DMD: variants seen among roughly 807,000 people sequenced by gnomAD.
DMD encodes mutant dystrophin.
Under a neutral mutation model 330.1 loss-of-function variants are expected in DMD, and 63 were observed. The ratio of observed to expected loss-of-function variants is 0.19; its 90% CI spans 0.16 to 0.24. The LOEUF (loss-of-function observed/expected upper bound fraction) is 0.24, where lower values mean the gene tolerates loss of function less well. Ranked by LOEUF, DMD falls within the 10% of genes least tolerant of loss-of-function variation. DMD has a pLI of 1.00. For missense variants in DMD, 3,344 were observed against 2,684.1 expected (o/e 1.25, Z -5.43); for synonymous variants, 1,223 against 959.8 (o/e 1.27, Z -5.07).
At chrX:32,722,838 T>G (rs2066471014) in intron 7 of DMD, among the ~76,000 whole-genome samples, 1 of 111,196 alleles carries the variant, frequency 9.0e-6, no homozygotes, top group African/African-American at 3.3e-5. Flanking sequence ...TGTGGAGTCC[T>G]TAGGGGTTTC....
chrX:33,169,085 G>GT (rs77141186), intron 1 of DMD, among the ~76,000 whole-genome samples: 2 of 108,281 alleles, frequency 1.8e-5, no homozygotes, highest in African/African-American at 6.7e-5. Flanking sequence ...CAGTATTGGG[G>GT]CCTCCCAATT....
chrX:32,674,795 G>C (rs1413756900), intron 9 of DMD, among the ~76,000 whole-genome samples: 1 of 111,054 alleles, frequency 9.0e-6, no homozygotes, highest in East Asian at 2.8e-4. Context: ...TGGAGGGTAG[G>C]CTTAGATTAA....
chrX:31,374,199 T>C lies in DMD; in HGVS notation c.9085-25565A>G, dbSNP rs1464181511. On this transcript the variant is annotated intron_variant, in intron 60 of 78. Transcript: ENST00000357033. The stretch of plus-strand genomic sequence containing the variant: ...AGGTGCTGGAGAGGATGTGGAGAAA[T>C]AGGAACACTTTTACACTGTTGGTGG... 2.0e-4 allele frequency among the ~76,000 whole-genome samples: 16 copies of C among 81,410 alleles called. 1 individual carries two copies. Among genetic ancestry groups the C allele is most frequent in the Non-Finnish European group, 2.3e-5 (1 of 43,264 alleles). 70.7% of individuals were successfully genotyped at this position (81,410 alleles called of 115,157 possible).
intron 21 of DMD, among the ~76,000 whole-genome samples, chrX:32,473,869 G>C (rs2040918693): frequency 9.1e-6 from 1 of 110,218 alleles, no homozygotes; most frequent in South Asian, 3.9e-4. Context: ...TGGGGGTAAA[G>C]GTGGTATTTG....
chrX:31,242,004 C>T (rs1190776929), intron 63 of DMD, among the ~76,000 whole-genome samples: 2 of 110,583 alleles, frequency 1.8e-5, no homozygotes, highest in African/African-American at 6.6e-5. Context: ...TTCTTGTAAT[C>T]CCAGCACTTT....
At chrX:31,606,846 A>C (rs2077634463) in intron 55 of DMD, among the ~76,000 whole-genome samples, 1 of 111,656 alleles carries the variant, frequency 9.0e-6, no homozygotes, top group South Asian at 3.7e-4. Context: ...TTTTCTTTTC[A>C]TGGGGACAAA....
chrX:32,763,238 A>G (rs1378114969), intron 7 of DMD, among the ~76,000 whole-genome samples: 1 of 112,280 alleles, frequency 8.9e-6, no homozygotes, highest in African/African-American at 3.2e-5. Flanking sequence ...ATTCAGAATT[A>G]TTTAATACAA....
chrX:32,819,465 G>T (rs769758079), intron 5 of DMD, among the ~76,000 whole-genome samples: 8 of 111,045 alleles, frequency 7.2e-5, no homozygotes, highest in Admixed American at 2.9e-4. Context: ...GAAAAAAAAA[G>T]AATTGCACTT....
chrX:31,369,120 CCT>C (rs2059412508), intron 60 of DMD, among the ~76,000 whole-genome samples: 1 of 111,713 alleles, frequency 9.0e-6, no homozygotes, highest in South Asian at 3.8e-4. Context: ...TATTTAAGAC[CCT>C]CTTTGTCATC....
chrX:32,129,190 T>A (rs1445366488), intron 44 of DMD, among the ~76,000 whole-genome samples: 1 of 111,962 alleles, frequency 8.9e-6, no homozygotes, highest in African/African-American at 3.2e-5. Flanking sequence ...GCAGCATAAC[T>A]CTTGACTGCA....
At chrX:31,367,713 T>C (rs964117808) in intron 60 of DMD, among the ~76,000 whole-genome samples, 1 of 112,078 alleles carries the variant, frequency 8.9e-6, no homozygotes, top group Non-Finnish European at 1.9e-5. Flanking sequence ...GAGTTAAGAA[T>C]ACAAATGCTC....
intron 44 of DMD, among the ~76,000 whole-genome samples, chrX:32,204,976 ATCTCTCTCTCTC>A (rs200970973): frequency 2.2e-5 from 1 of 45,322 alleles, no homozygotes; most frequent in Non-Finnish European, 4.3e-5. Flanking sequence ...CATCCAAGCC[ATCTCTCTCTCTC>A]TCTCTCTCTC....
At chrX:32,731,466 GACAA>G (rs1484872300) in intron 7 of DMD, among the ~76,000 whole-genome samples, 4 of 112,882 alleles carry the variant, frequency 3.5e-5, no homozygotes, top group African/African-American at 9.6e-5. Context: ...GCAGGGCACA[GACAA>G]ACAAAAAGAC....
intron 4 of DMD, among the ~76,000 whole-genome samples, chrX:32,834,148 C>A (rs2079398865): frequency 9.0e-6 from 1 of 110,946 alleles, no homozygotes; most frequent in Non-Finnish European, 1.9e-5. Flanking sequence ...TGGCAAAGAC[C>A]CTATAGTTGA....
At chrX:31,478,409 T>C (rs1332506701) in intron 58 of DMD, 35 bp from the exon 59 acceptor site, 8 of 1,207,122 alleles carry the variant, frequency 6.6e-6, no homozygotes, top group Non-Finnish European at 9.0e-6. Flanking sequence ...TTAGGCCACA[T>C]TCTTTTTTTT....
At chrX:33,139,877 A>T (rs766484621) in intron 1 of DMD, among the ~76,000 whole-genome samples, 52 of 107,868 alleles carry the variant, frequency 4.8e-4, no homozygotes, top group South Asian at 2.0e-3. Context: ...CTAAAAAAAA[A>T]AAAAAAAAAA....
chrX:31,202,605 CCTT>C (rs1408304292), intron 67 of DMD, among the ~76,000 whole-genome samples: 2 of 111,913 alleles, frequency 1.8e-5, no homozygotes, highest in African/African-American at 6.5e-5. Flanking sequence ...GCCCAGGAAA[CCTT>C]CTATAGTTTC....
chrX:32,763,614 A>T (rs982714398), intron 7 of DMD, among the ~76,000 whole-genome samples: 3 of 112,030 alleles, frequency 2.7e-5, no homozygotes, highest in African/African-American at 9.7e-5. Flanking sequence ...ATACAAAGTA[A>T]AAATTTTCAC....
intron 13 of DMD, among the ~76,000 whole-genome samples, chrX:32,588,136 A>C (rs1231158840): frequency 1.8e-5 from 2 of 112,463 alleles, no homozygotes; most frequent in Non-Finnish European, 3.8e-5. Flanking sequence ...ATCTTACAAG[A>C]ATTACTGATT....
Sources: allele counts gnomAD v4.1 joint callset (sites outside exome capture counted in the v4.1 genomes callset), GRCh38; gene constraint gnomAD v4.1.1; transcripts MANE v1.5; gene names NCBI Gene and HGNC (gene_info 2026-07-23, HGNC 2026-07-21).